Variants in NRXN3 observed in about 807,000 individuals in gnomAD.
NRXN3 encodes the protein neurexin III.
NRXN3 carries 32 observed loss-of-function variants against 137.6 expected under a neutral mutation model. The observed-to-expected ratio is 0.23, with a 90% CI of 0.18 to 0.31. The LOEUF (loss-of-function observed/expected upper bound fraction) is 0.31, where lower values mean the gene tolerates loss of function less well. Among genes scored for constraint, NRXN3 ranks in the 10% least tolerant of loss-of-function variants. NRXN3 has a pLI of 1.00. For synonymous variants in NRXN3, 798 were observed against 784.5 expected (o/e 1.02, Z -0.29); for missense variants, 1,574 against 2,062.5 (o/e 0.76, Z 4.59).
chr14:78,400,390 C>T (rs1208211260), intron 4 of NRXN3, among the ~76,000 whole-genome samples: 1 of 152,218 alleles, frequency 6.6e-6, no homozygotes. Context: ...AAGACTTAAA[C>T]CAACCATAGG....
intron 19 of NRXN3, among the ~76,000 whole-genome samples, chr14:79,743,453 A>G (rs553526992): frequency 1.3e-5 from 2 of 152,318 alleles, no homozygotes; most frequent in Non-Finnish European, 2.9e-5. Flanking sequence ...TAACTTCTCA[A>G]GTGACTGTAC....
chr14:79,675,321 T>A (rs2098634703), intron 17 of NRXN3, among the ~76,000 whole-genome samples: 1 of 152,124 alleles, frequency 6.6e-6, no homozygotes. Flanking sequence ...ATTTGCATGA[T>A]CTTTGTTGCA....
intron 15 of NRXN3, among the ~76,000 whole-genome samples, chr14:79,351,675 C>T (rs2093214364): frequency 6.6e-6 from 1 of 152,154 alleles, no homozygotes; most frequent in Non-Finnish European, 1.5e-5. Flanking sequence ...CTAGCTATAG[C>T]TTTAATAACG....
At chr14:79,004,314 C>T (rs144286609) in intron 15 of NRXN3, among the ~76,000 whole-genome samples, 2,163 of 152,104 alleles carry the variant, frequency 0.014, 51 homozygotes, top group African/African-American at 0.049. Context: ...GGCTTGATCT[C>T]GGCTCACTGC....
At chr14:78,207,791 A>T (rs1005706832) in intron 1 of NRXN3, among the ~76,000 whole-genome samples, 11 of 152,156 alleles carry the variant, frequency 7.2e-5, no homozygotes, top group Non-Finnish European at 5.9e-5. Flanking sequence ...CCAATGGGCC[A>T]TTATCAGCTT....
At chr14:79,857,718 T>G (rs1004212515) in intron 20 of NRXN3, among the ~76,000 whole-genome samples, 1 of 152,172 alleles carries the variant, frequency 6.6e-6, no homozygotes, top group Admixed American at 6.5e-5. Flanking sequence ...ATCTAAAATG[T>G]TCTACCTATT....
intron 10 of NRXN3, among the ~76,000 whole-genome samples, chr14:78,908,672 G>C (rs1029904522): frequency 2.6e-5 from 4 of 151,968 alleles, no homozygotes; most frequent in Non-Finnish European, 5.9e-5. Flanking sequence ...GTCTGAACAG[G>C]ATCTAGTTTG....
At chr14:78,865,193 GA>G (rs1328190015) in intron 10 of NRXN3, among the ~76,000 whole-genome samples, 2 of 152,138 alleles carry the variant, frequency 1.3e-5, no homozygotes, top group African/African-American at 2.4e-5. Flanking sequence ...ATCTACTCAT[GA>G]ACAACCATTA....
intron 16 of NRXN3, among the ~76,000 whole-genome samples, chr14:79,490,401 A>G (rs1246400504): frequency 1.3e-5 from 2 of 152,226 alleles, no homozygotes; most frequent in Non-Finnish European, 2.9e-5. Flanking sequence ...TAGCTAATGA[A>G]TGGAAGCAAC....
intron 4 of NRXN3, among the ~76,000 whole-genome samples, chr14:78,333,239 G>A (rs569368379): frequency 1.3e-5 from 2 of 152,296 alleles, no homozygotes; most frequent in East Asian, 3.9e-4. Flanking sequence ...CCAGCCAGGT[G>A]TAGGGTAAAG....
At chr14:79,584,397 G>A (rs114877748) in intron 16 of NRXN3, among the ~76,000 whole-genome samples, 164 of 152,276 alleles carry the variant, frequency 1.1e-3, no homozygotes, top group African/African-American at 3.8e-3. Flanking sequence ...TTCACAGATG[G>A]GTGTTTATTT....
chr14:78,250,560 G>A (rs2068448321), intron 2 of NRXN3, among the ~76,000 whole-genome samples: 1 of 152,210 alleles, frequency 6.6e-6, no homozygotes, highest in Admixed American at 6.5e-5. Context: ...GCTGACAATG[G>A]TTATGACTGC....
At chr14:78,649,351 C>A (rs138512909) in intron 5 of NRXN3, 17,067 of 1,095,912 alleles carry the variant, frequency 0.016, 234 homozygotes, top group Admixed American at 0.069. Context: ...TTGGGTTTGC[C>A]GTGTGTTGCC....
At chr14:78,677,493 T>G (rs1309311051) in intron 6 of NRXN3, among the ~76,000 whole-genome samples, 4 of 151,980 alleles carry the variant, frequency 2.6e-5, no homozygotes, top group Non-Finnish European at 5.9e-5. Flanking sequence ...ATGATAAAAC[T>G]TGTATGGATG....
chr14:79,835,802 G>A (rs369956986), intron 20 of NRXN3, among the ~76,000 whole-genome samples: 3 of 152,154 alleles, frequency 2.0e-5, no homozygotes, highest in African/African-American at 7.2e-5. Context: ...TAAGGATTTA[G>A]GATTTAAACA....
intron 10 of NRXN3, among the ~76,000 whole-genome samples, chr14:78,897,022 A>G (rs2099178508): frequency 6.6e-6 from 1 of 151,948 alleles, no homozygotes; most frequent in African/African-American, 2.4e-5. Flanking sequence ...TTATTTAAAT[A>G]CAGTCATACT....
chr14:79,743,079 G>A (rs1403498550), intron 19 of NRXN3, among the ~76,000 whole-genome samples: 1 of 152,158 alleles, frequency 6.6e-6, no homozygotes, highest in Non-Finnish European at 1.5e-5. Context: ...ATGAATTGTG[G>A]CTATTTTTGT....
At chr14:79,185,701 G>A (rs1014354615) in intron 15 of NRXN3, among the ~76,000 whole-genome samples, 7 of 152,002 alleles carry the variant, frequency 4.6e-5, no homozygotes, top group Non-Finnish European at 7.4e-5. Context: ...TCCTGACCTC[G>A]TGATCCGCCC....
chr14:78,298,321 C>G (rs999435407), intron 4 of NRXN3, among the ~76,000 whole-genome samples: 1 of 152,192 alleles, frequency 6.6e-6, no homozygotes, highest in African/African-American at 2.4e-5. Flanking sequence ...TTACACTGCC[C>G]GTAATGATCT....
Sources: gnomAD v4.1 joint callset for allele counts (sites outside exome capture counted in the v4.1 genomes callset) on GRCh38, gnomAD v4.1.1 for gene constraint, MANE v1.5 for transcripts, NCBI Gene and HGNC (gene_info 2026-07-23, HGNC 2026-07-21) for gene names.